The following PLXDC2 variants were observed in gnomAD, a reference collection of about 807,000 sequenced individuals.
PLXDC2 encodes the protein plexin domain containing 2.
PLXDC2 carries 40 observed loss-of-function variants against 68.9 expected under a neutral mutation model. The ratio of observed to expected loss-of-function variants is 0.58; its 90% CI spans 0.45 to 0.76. PLXDC2 has a LOEUF of 0.76. Among genes scored for constraint, PLXDC2 ranks in the 30% least tolerant of loss-of-function variants. The pLI is 0.00. For synonymous variants in PLXDC2, 243 were observed against 234.2 expected, an observed-to-expected ratio of 1.04 and a Z score of -0.34; for missense variants, 644 against 661.9, an observed-to-expected ratio of 0.97 and a Z score of 0.30.
chr10:20,188,164 G>C (rs1834711879), intron 9 of PLXDC2, among the ~76,000 whole-genome samples: 1 of 151,406 alleles, frequency 6.6e-6, no homozygotes, highest in Admixed American at 6.6e-5. Flanking sequence ...TATTAAAATA[G>C]TTAAAAGTTA....
In PLXDC2 at chr10:20,258,622, C is replaced by T. The variant is rs952914123; in HGVS notation, c.1473+13117C>T. Among the ~76,000 whole-genome samples the T allele has an allele frequency of 4.6e-5, 7 of 152,100 alleles. No homozygotes were observed. The East Asian group carries it at 1.2e-3, about 25-fold the overall frequency. On this transcript the variant is annotated intron_variant, in intron 13 of 13. Transcript: ENST00000377252. ...CTCGTTCTCTTCACTATAGCAAAGA[C>T]TTTGTTTAAGTTGAATCCCCTATGT...
At chr10:20,189,504 T>TATATACATAC (rs1554773611) in intron 9 of PLXDC2, among the ~76,000 whole-genome samples, 1 of 121,594 alleles carries the variant, frequency 8.2e-6, no homozygotes, top group Non-Finnish European at 1.7e-5. Context: ...TATATATATA[T>TATATACATAC]ACACATACAC....
intron 4 of PLXDC2, among the ~76,000 whole-genome samples, chr10:20,117,931 T>C (rs1444688059): frequency 2.0e-5 from 3 of 152,294 alleles, no homozygotes; most frequent in Non-Finnish European, 1.5e-5. Flanking sequence ...GCTGGATGCT[T>C]CCTGGATTTT....
intron 1 of PLXDC2, among the ~76,000 whole-genome samples, chr10:19,946,304 C>T (rs1210434196): frequency 6.6e-6 from 1 of 151,878 alleles, no homozygotes; most frequent in Non-Finnish European, 1.5e-5. Flanking sequence ...ATATTCAATA[C>T]TCTCTATAAC....
chr10:19,996,067 GA>G (rs1266998899), intron 1 of PLXDC2, among the ~76,000 whole-genome samples: 1 of 152,160 alleles, frequency 6.6e-6, no homozygotes, highest in Non-Finnish European at 1.5e-5. Flanking sequence ...AGGCTTGTCA[GA>G]AAAGTGAAGT....
chr10:20,000,783 T>C (rs1305251837), intron 1 of PLXDC2, among the ~76,000 whole-genome samples: 2 of 152,212 alleles, frequency 1.3e-5, no homozygotes, highest in Non-Finnish European at 2.9e-5. Flanking sequence ...GGGAACATAA[T>C]GGCTGTAATT....
At chr10:20,213,981 A>G (rs1835103364) in intron 10 of PLXDC2, among the ~76,000 whole-genome samples, 1 of 152,026 alleles carries the variant, frequency 6.6e-6, no homozygotes, top group Admixed American at 6.6e-5. Flanking sequence ...CAATTTCTTC[A>G]GATGTATTTA....
intron 2 of PLXDC2, among the ~76,000 whole-genome samples, chr10:20,025,835 C>T (rs1484893852): frequency 6.6e-6 from 1 of 151,702 alleles, no homozygotes; most frequent in East Asian, 1.9e-4. Flanking sequence ...CTTGTTTTCC[C>T]CTCCAGATTA....
At chr10:19,946,411 AC>A (rs1341783691) in intron 1 of PLXDC2, among the ~76,000 whole-genome samples, 1 of 151,864 alleles carries the variant, frequency 6.6e-6, no homozygotes, top group Non-Finnish European at 1.5e-5. Flanking sequence ...CCCTCCCCTG[AC>A]CCCCTGACCG....
At chr10:19,817,602 C>T (rs1331998355) in intron 1 of PLXDC2, among the ~76,000 whole-genome samples, 1 of 152,058 alleles carries the variant, frequency 6.6e-6, no homozygotes, top group Non-Finnish European at 1.5e-5. Flanking sequence ...GGGTGGGGGA[C>T]GTTGTGAAAG....
At chr10:20,205,021 T>C (rs1309890046) in intron 9 of PLXDC2, among the ~76,000 whole-genome samples, 1 of 152,222 alleles carries the variant, frequency 6.6e-6, no homozygotes, top group African/African-American at 2.4e-5. Flanking sequence ...TTATGTATCT[T>C]TTAACATTTA....
rs1554773611 is a variant in PLXDC2, at chr10:20,189,504, T to TATATATAC, written c.1061+12096_1061+12097insTATATACA. Among the ~76,000 whole-genome samples, 1,213 of 121,440 alleles carry TATATATAC rather than the reference T, an allele frequency of 1.0e-2. 19 individuals are homozygous for TATATATAC. Among genetic ancestry groups the TATATATAC allele is most frequent in the African/African-American group, 0.023 (761 of 32,980 alleles). 79.7% of individuals were successfully genotyped at this position (121,440 alleles called of 152,430 possible). A position where few individuals can be genotyped will look rare whatever the true frequency, so the allele number is the denominator to read the frequency against. ...ATATATATATATATATATATATATA[T>TATATATAC]ACACATACACACACATATATATACA... On this transcript the variant is annotated intron_variant, in intron 9 of 13. Coordinates refer to ENST00000377252, the MANE Select transcript of PLXDC2 (RefSeq NM_032812.9).
intron 1 of PLXDC2, among the ~76,000 whole-genome samples, chr10:19,970,849 C>T (rs1002549381): frequency 6.6e-6 from 1 of 152,148 alleles, no homozygotes; most frequent in Non-Finnish European, 1.5e-5. Flanking sequence ...TGGTGTTGCA[C>T]TGATGCCCCT....
intron 7 of PLXDC2, among the ~76,000 whole-genome samples, chr10:20,172,566 T>G (rs1386556067): frequency 6.6e-6 from 1 of 152,152 alleles, no homozygotes; most frequent in Non-Finnish European, 1.5e-5. Flanking sequence ...TGTGTAATGA[T>G]CGGGTCAGGG....
intron 13 of PLXDC2, among the ~76,000 whole-genome samples, chr10:20,278,525 G>A (rs1334501992): frequency 6.6e-6 from 1 of 152,024 alleles, no homozygotes. Context: ...CCACTTAATG[G>A]AACTTAATCA....
intron 4 of PLXDC2, among the ~76,000 whole-genome samples, chr10:20,120,299 C>T (rs1833678696): frequency 6.6e-6 from 1 of 152,128 alleles, no homozygotes; most frequent in South Asian, 2.1e-4. Context: ...GGTCTGACTT[C>T]TGAGAAGGGA....
rs544163864 is a variant in PLXDC2, at chr10:20,229,039, A to G, written c.1312+9937A>G. Among the ~76,000 whole-genome samples the G allele has an allele frequency of 7.9e-5, 12 of 152,262 alleles. No homozygotes were observed. In the East Asian group the frequency reaches 2.3e-3, roughly 29 times the overall value. ...AGGACAGACTGCTTTTTCAAGAAAA[A>G]TGGAAGAAGGGAAGTAGAGATTCTT... On this transcript the variant is annotated intron_variant, in intron 12 of 13. Transcript: ENST00000377252.
intron 12 of PLXDC2, among the ~76,000 whole-genome samples, chr10:20,219,817 A>G (rs985792113): frequency 6.6e-6 from 1 of 152,092 alleles, no homozygotes; most frequent in Non-Finnish European, 1.5e-5. Context: ...TCTTGGCAGC[A>G]TCTTTATGTA....
intron 1 of PLXDC2, among the ~76,000 whole-genome samples, chr10:19,862,775 C>T (rs892077251): frequency 6.6e-6 from 1 of 152,134 alleles, no homozygotes; most frequent in Non-Finnish European, 1.5e-5. Context: ...CCAACAGATA[C>T]CCAGCCTTCT....
Sources: gnomAD v4.1 joint callset for allele counts (sites outside exome capture counted in the v4.1 genomes callset) on GRCh38, gnomAD v4.1.1 for gene constraint, MANE v1.5 for transcripts, NCBI Gene and HGNC (gene_info 2026-07-23, HGNC 2026-07-21) for gene names.